The following USP46 variants were observed in gnomAD, a reference collection of about 807,000 sequenced individuals.
The protein encoded by USP46 is ubiquitin carboxyl-terminal hydrolase 46.
USP46 carries 12 observed loss-of-function variants against 44.4 expected under a neutral mutation model. That is an observed-to-expected ratio of 0.27 (90% CI 0.17 to 0.44). USP46 has a LOEUF of 0.44. USP46 is among the 20% of genes least tolerant of loss of function. The pLI is 1.00. For missense variants in USP46, 248 were observed against 444.8 expected, an observed-to-expected ratio of 0.56 and a Z score of 3.98; for synonymous variants, 155 against 161.5, an observed-to-expected ratio of 0.96 and a Z score of 0.31.
intron 1 of USP46, among the ~76,000 whole-genome samples, chr4:52,657,937 A>G (rs1719015356): frequency 6.6e-6 from 1 of 151,994 alleles, no homozygotes; most frequent in African/African-American, 2.4e-5. Flanking sequence ...AATGTGGGAC[A>G]GAAGATTTAA....
chr4:52,618,700 G>C (rs1048036117), intron 4 of USP46, among the ~76,000 whole-genome samples: 1 of 152,162 alleles, frequency 6.6e-6, no homozygotes, highest in Non-Finnish European at 1.5e-5. Context: ...GGCTTTAAAA[G>C]GTACCCAATG....
intron 1 of USP46, among the ~76,000 whole-genome samples, chr4:52,632,930 AAG>A (rs1435108720): frequency 1.6e-5 from 1 of 63,206 alleles, no homozygotes; most frequent in African/African-American, 8.0e-5. Flanking sequence ...GAAAGAAAGA[AAG>A]AAAGAAAGAA....
At chr4:52,618,676 G>A (rs182987137) in intron 4 of USP46, among the ~76,000 whole-genome samples, 451 of 152,326 alleles carry the variant, frequency 3.0e-3, no homozygotes, top group Non-Finnish European at 3.2e-3. Flanking sequence ...TCAATCATGA[G>A]CCGAAAATGT....
Position 52,631,131 on chromosome 4 carries a change from G to T in USP46, c.50C>A (p.Ser17Tyr). ...ASICNMGTNA[S>Y]ALEKDIGPEQ... ...TGGACCAATGTCTTTTTCCAGAGCA[G>T]AGGCATTGGTGCCCTAAAAGAGAAA... The change falls in exon 2 of 9, where the codon TCT becomes TAT. Residue 17 changes from serine to tyrosine, a missense_variant. By Grantham distance (144) the Ser-to-Tyr change is moderately radical. This residue lies in a region of USP46 where 31 missense variants were observed against 32.5 expected (regional missense o/e 0.96). Coordinates refer to ENST00000441222, the MANE Select transcript of USP46 (RefSeq NM_022832.4). 6.4e-7 allele frequency: 1 copy of T among 1,560,984 alleles called. No individual in the cohort carries two copies. Among genetic ancestry groups the T allele is most frequent in the African/African-American group, 1.4e-5 (1 of 74,034 alleles).
At chr4:52,628,318 C>T (rs868770603) in intron 2 of USP46, 155 bp from the exon 3 acceptor site, 2 of 640,716 alleles carry the variant, frequency 3.1e-6, no homozygotes, top group Non-Finnish European at 2.7e-6. Flanking sequence ...TAGTTAACTA[C>T]TCTAAACACC....
Position 52,659,285 on chromosome 4 carries a change from A to T in USP46, c.-135T>A. The T allele has an allele frequency of 5.8e-6, 3 of 515,508 alleles. No individual in the cohort carries two copies. Among genetic ancestry groups the T allele is most frequent in the Non-Finnish European group, 8.0e-6 (3 of 373,034 alleles). 31.9% of individuals were successfully genotyped at this position (515,508 alleles called of 1,614,324 possible). ...GTCCGGCTTTCAGTTTGGCTGGGAG[A>T]GGGAGGCCGGGAGGAGGAGGCGGCG... On this transcript the variant is annotated 5_prime_UTR_variant, in exon 1 of 9. Transcript: ENST00000441222. The surrounding 1 kb of genome is among the most constrained non-coding windows in gnomAD (Gnocchi z 4.2).
intron 4 of USP46, among the ~76,000 whole-genome samples, chr4:52,616,842 T>G (rs1402205564): frequency 6.6e-6 from 1 of 152,112 alleles, no homozygotes; most frequent in Non-Finnish European, 1.5e-5. Flanking sequence ...ATCCCAAATA[T>G]TTGGAAATTA....
rs1716152463 is a variant in USP46 at position 52,594,587 on chromosome 4, T to C, written c.*3053A>G. 1 of 152,196 alleles carries C rather than the reference T, an allele frequency of 6.6e-6. No homozygotes were observed. Among genetic ancestry groups the C allele is most frequent in the African/African-American group, 2.4e-5 (1 of 41,450 alleles). The allele number at this position is 152,196 out of a possible 1,614,324, so 9.4% of individuals were successfully genotyped here. ...CACAATATTTTAATACACGTGAATA[T>C]ACAAAGTTGATCAAAATGCAATGTT... is the stretch of plus-strand genomic sequence containing the variant. On this transcript the variant is annotated 3_prime_UTR_variant, in exon 9 of 9. Coordinates refer to ENST00000441222, the MANE Select transcript of USP46 (RefSeq NM_022832.4).
At chr4:52,618,348 G>A (rs190666670) in intron 4 of USP46, among the ~76,000 whole-genome samples, 8 of 152,244 alleles carry the variant, frequency 5.3e-5, no homozygotes, top group African/African-American at 1.9e-4. Context: ...AAATTAACCA[G>A]GCATGGTGGC....
intron 3 of USP46, among the ~76,000 whole-genome samples, chr4:52,627,675 T>TC (rs1717645369): frequency 6.6e-6 from 1 of 152,228 alleles, no homozygotes; most frequent in Non-Finnish European, 1.5e-5. Context: ...GACACTATTC[T>TC]CTCTTACAAT....
In USP46 at chr4:52,595,946, C is replaced by A. The variant is rs1166048894; in HGVS notation, c.*1694G>T. 6.6e-6 allele frequency: 1 copy of A among 152,572 alleles called. No homozygotes were observed. Among genetic ancestry groups the A allele is most frequent in the African/African-American group, 2.4e-5 (1 of 41,420 alleles). 9.5% of individuals were successfully genotyped at this position (152,572 alleles called of 1,614,324 possible). On this transcript the variant is annotated 3_prime_UTR_variant, in exon 9 of 9. Transcript: ENST00000441222. ...AAAAATATTTATAAATGTGAAATTG[C>A]CTCTAAACAAGGCAAGGTACATTTC...
chr4:52,628,096 T>C lies in USP46; in HGVS notation c.185A>G (p.Asn62Ser), dbSNP rs766678220. ...TTGCTGGGCCTTGTATGCCAACACA[T>C]TCTCCCGGAATGGACGGCAGAAGTA... ...ALYFCRPFRE[N>S]VLAYKAQQKK... Residue 62 changes from asparagine to serine, a missense_variant, in exon 3 of 9, where the codon AAT becomes AGT. By Grantham distance (46) the Asn-to-Ser change is conservative (BLOSUM62 1). Coordinates refer to ENST00000441222, the MANE Select transcript of USP46 (RefSeq NM_022832.4). 25 of 1,613,834 alleles carry C rather than the reference T, an allele frequency of 1.5e-5. No homozygotes were observed. Among genetic ancestry groups the C allele is most frequent in the South Asian group, 2.2e-5 (2 of 91,078 alleles).
chr4:52,635,108 A>T (rs1379488297), intron 1 of USP46, among the ~76,000 whole-genome samples: 5 of 136,316 alleles, frequency 3.7e-5, no homozygotes, highest in African/African-American at 5.5e-5. Context: ...GCCTCCTTAT[A>T]CCCTCCAGGC....
rs765327545 is a variant in USP46 at position 52,597,755 on chromosome 4, G to A, written c.1000-14C>T. The A allele has an allele frequency of 6.5e-7, 1 of 1,546,810 alleles. No individual in the cohort carries two copies. Among genetic ancestry groups the A allele is most frequent in the East Asian group, 2.3e-5 (1 of 43,724 alleles). ...AGCATCTATTTTCTGCAATAAAGGA[G>A]AAAGAAAACAACACAATTACTTAAC... is the stretch of plus-strand genomic sequence containing the variant. On this transcript the variant is annotated splice_polypyrimidine_tract_variant and intron_variant, in intron 8 of 8. Transcript: ENST00000441222.
chr4:52,628,426 C>A (rs1433272886), intron 2 of USP46: 1 of 400,594 alleles, frequency 2.5e-6, no homozygotes, highest in African/African-American at 2.0e-5. Flanking sequence ...AAGCACTCTA[C>A]CTCAATAAAG....
chr4:52,622,513 CAACT>C (rs1717416491), intron 4 of USP46, among the ~76,000 whole-genome samples: 1 of 151,988 alleles, frequency 6.6e-6, no homozygotes, highest in Admixed American at 6.6e-5. Context: ...TTTATTCACT[CAACT>C]ATTTATTAAT....
At chr4:52,627,582 A>G (rs1419206626) in intron 3 of USP46, among the ~76,000 whole-genome samples, 1 of 152,250 alleles carries the variant, frequency 6.6e-6, no homozygotes, top group Non-Finnish European at 1.5e-5. Flanking sequence ...ACCTATGACA[A>G]GTTTATAAGC....
rs1221451518 is a variant in USP46, at chr4:52,659,082, C to A, written c.36+33G>T. On this transcript the variant is annotated intron_variant, in intron 1 of 8. Transcript: ENST00000441222. This position sits in a 1 kb window ranked among gnomAD's most constrained non-coding sequence, Gnocchi z 4.2. ...TCCCTTTCTTTGCCTCGCCGCGAGT[C>A]GGGCGCGACCCCGAGGCGGCTCGGC... 1.3e-6 allele frequency: 2 copies of A among 1,548,182 alleles called. No homozygotes were observed. The highest frequency in any genetic ancestry group is 1.7e-6 in the Non-Finnish European group (2 of 1,149,184).
intron 5 of USP46, among the ~76,000 whole-genome samples, chr4:52,604,793 T>C (rs947989046): frequency 1.4e-4 from 21 of 152,144 alleles, no homozygotes; most frequent in South Asian, 4.2e-4. Flanking sequence ...ATTACGGTGG[T>C]AGACATGCTC....
Sources: gnomAD v4.1 joint callset for allele counts (sites outside exome capture counted in the v4.1 genomes callset) on GRCh38, gnomAD v4.1.1 for gene constraint, gnomAD v4.1.1 regional missense constraint, Gnocchi (gnomAD v3.1) non-coding constraint, MANE v1.5 for transcripts, NCBI Gene and HGNC (gene_info 2026-07-23, HGNC 2026-07-21) for gene names.